The following RALYL variants were observed in gnomAD, a reference collection of about 807,000 sequenced individuals.
The protein encoded by RALYL is RALY RNA binding protein like, also known as RNA-binding Raly-like protein.
In RALYL, 29 loss-of-function variants were observed where a neutral mutation model predicts 35.1. The ratio of observed to expected loss-of-function variants is 0.83; its 90% CI spans 0.61 to 1.13. The LOEUF (loss-of-function observed/expected upper bound fraction) is 1.13. Among genes scored for constraint, RALYL ranks in the 50% most tolerant of loss-of-function variants. The pLI, the probability that RALYL is intolerant of heterozygous loss-of-function variation, is 0.00. For missense variants in RALYL, 359 were observed against 360.4 expected (o/e 1.00, Z 0.03); for synonymous variants, 120 against 127.6 (o/e 0.94, Z 0.40).
At chr8:84,365,964 T>A (rs1271719977) in intron 1 of RALYL, among the ~76,000 whole-genome samples, 1 of 152,220 alleles carries the variant, frequency 6.6e-6, no homozygotes, top group African/African-American at 2.4e-5. Context: ...CTGCCACTCA[T>A]AGATGCTTCA....
intron 2 of RALYL, among the ~76,000 whole-genome samples, chr8:84,767,597 A>C (rs150922089): frequency 2.1e-3 from 316 of 152,232 alleles, no homozygotes; most frequent in Non-Finnish European, 3.5e-3. Context: ...TCTCCCTTCA[A>C]GTGGGGGCGT....
intron 2 of RALYL, among the ~76,000 whole-genome samples, chr8:84,750,065 A>C (rs1809581175): frequency 6.6e-6 from 1 of 152,054 alleles, no homozygotes; most frequent in Non-Finnish European, 1.5e-5. Flanking sequence ...AGGATGCTGC[A>C]CTCTCAGCAC....
intron 1 of RALYL, among the ~76,000 whole-genome samples, chr8:84,387,698 T>C (rs1859539854): frequency 1.3e-5 from 2 of 151,996 alleles, no homozygotes; most frequent in East Asian, 3.9e-4. Flanking sequence ...AAAGGACATA[T>C]TCGCTTTAGC....
chr8:84,492,040 A>G (rs2055371761), intron 1 of RALYL, among the ~76,000 whole-genome samples: 1 of 152,020 alleles, frequency 6.6e-6, no homozygotes, highest in African/African-American at 2.4e-5. Flanking sequence ...CAGTTCTATT[A>G]TGGAAGCAGA....
chr8:84,767,055 A>G (rs1044953877), intron 2 of RALYL, among the ~76,000 whole-genome samples: 1 of 152,166 alleles, frequency 6.6e-6, no homozygotes, highest in Non-Finnish European at 1.5e-5. Flanking sequence ...TGCAGAATTG[A>G]AAGTATCTTC....
chr8:84,700,094 C>T (rs1460721242), intron 2 of RALYL, among the ~76,000 whole-genome samples: 2 of 151,786 alleles, frequency 1.3e-5, no homozygotes, highest in African/African-American at 2.4e-5. Context: ...GAAAATCAGG[C>T]AACCAAGAAG....
At chr8:84,290,308 G>A (rs535454317) in intron 1 of RALYL, among the ~76,000 whole-genome samples, 4 of 152,126 alleles carry the variant, frequency 2.6e-5, no homozygotes, top group African/African-American at 9.6e-5. Context: ...GTTTTCATGC[G>A]CGTCTGTGTG....
chr8:84,775,653 G>T (rs1816665861), intron 3 of RALYL, among the ~76,000 whole-genome samples: 1 of 152,106 alleles, frequency 6.6e-6, no homozygotes, highest in African/African-American at 2.4e-5. Context: ...GCCCCAATTT[G>T]TCAGTGTCTA....
intron 1 of RALYL, among the ~76,000 whole-genome samples, chr8:84,234,224 C>G (rs1394067282): frequency 6.6e-6 from 1 of 152,172 alleles, no homozygotes; most frequent in African/African-American, 2.4e-5. Flanking sequence ...AATTTCTCCT[C>G]TTTGCTCATC....
intron 3 of RALYL, among the ~76,000 whole-genome samples, chr8:84,797,513 G>A (rs1045675344): frequency 2.0e-5 from 3 of 152,134 alleles, no homozygotes; most frequent in Non-Finnish European, 4.4e-5. Flanking sequence ...CGTTGTTTGC[G>A]GAAGTGTGGT....
At chr8:84,577,758 C>A (rs1361781019) in intron 2 of RALYL, among the ~76,000 whole-genome samples, 4 of 151,948 alleles carry the variant, frequency 2.6e-5, no homozygotes, top group Non-Finnish European at 2.9e-5. Context: ...AGAGTAAATA[C>A]ATTTAAAGAT....
rs557276372 is a variant in RALYL, at chr8:84,420,686, C to T, written c.-23-108613C>T. Among the ~76,000 whole-genome samples, 9 of 124,398 alleles carry T rather than the reference C, an allele frequency of 7.2e-5. No homozygotes were observed. In the South Asian group the frequency reaches 8.7e-4, roughly 12 times the overall value. The allele number at this position is 124,398 out of a possible 152,430, so 81.6% of individuals were successfully genotyped here. On this transcript the variant is annotated intron_variant, in intron 1 of 8. Coordinates refer to ENST00000521268, the MANE Select transcript of RALYL (RefSeq NM_173848.7). ...AGGGTTTTTATGGTTTTAGGTCTAA[C>T]GTTTAAATCTTTAATCCATCTTGAA...
intron 1 of RALYL, among the ~76,000 whole-genome samples, chr8:84,393,057 C>T (rs1469571362): frequency 2.0e-5 from 3 of 152,046 alleles, no homozygotes; most frequent in Non-Finnish European, 1.5e-5. Flanking sequence ...TGCTATGTAA[C>T]AAATTACCGC....
intron 2 of RALYL, among the ~76,000 whole-genome samples, chr8:84,615,903 T>C (rs1381804822): frequency 5.9e-5 from 4 of 68,118 alleles, no homozygotes; most frequent in Admixed American, 5.3e-4. Context: ...ATTTCATCCA[T>C]GTCCCTACAA....
intron 1 of RALYL, among the ~76,000 whole-genome samples, chr8:84,430,883 C>T (rs959880034): frequency 4.6e-5 from 7 of 152,080 alleles, no homozygotes; most frequent in African/African-American, 1.7e-4. Context: ...TTAGATGGAA[C>T]AGTGCCTTCC....
At chr8:84,704,480 C>CA (rs56942044) in intron 2 of RALYL, among the ~76,000 whole-genome samples, 9,784 of 139,538 alleles carry the variant, frequency 0.07, 409 homozygotes, top group African/African-American at 0.11. Context: ...CACACACACA[C>CA]ACAACAACTC....
In RALYL at chr8:84,814,939, C is replaced by T. The variant is rs181528939; in HGVS notation, c.365+10137C>T. 2.8e-3 allele frequency among the ~76,000 whole-genome samples: 425 copies of T among 152,304 alleles called. 1 individual carries two copies. The highest frequency in any genetic ancestry group is 4.5e-3 in the Non-Finnish European group (307 of 68,022). The stretch of plus-strand genomic sequence containing the variant: ...GATCAACAGATGCAGTGTTTTCCAA[C>T]GCTACCTAGGTGATTCTGATACCAG... On this transcript the variant is annotated intron_variant, in intron 4 of 8. Transcript: ENST00000521268.
chr8:84,529,584 C>A lies in RALYL; in HGVS notation c.256+7C>A, dbSNP rs1224972050. The A allele has an allele frequency of 6.2e-7, 1 of 1,603,536 alleles. No homozygotes were observed. Among genetic ancestry groups the A allele is most frequent in the Admixed American group, 1.7e-5 (1 of 59,758 alleles). On this transcript the variant is annotated splice_region_variant and intron_variant, in intron 2 of 8. Transcript: ENST00000521268. ...ATCGCCGGCCAACCACTTGGTAAGTCATGCTCAGACATGGATCTCACGTTA... is the reference window on the plus strand; with the variant it reads ...ATCGCCGGCCAACCACTTGGTAAGTAATGCTCAGACATGGATCTCACGTTA...
chr8:84,619,804 C>G (rs1201983901), intron 2 of RALYL, among the ~76,000 whole-genome samples: 4 of 150,252 alleles, frequency 2.7e-5, no homozygotes, highest in African/African-American at 1.0e-4. Context: ...GACAAAATCT[C>G]TCAGCATTTG....
Sources: gnomAD v4.1 joint callset for allele counts (sites outside exome capture counted in the v4.1 genomes callset) on GRCh38, gnomAD v4.1.1 for gene constraint, MANE v1.5 for transcripts, NCBI Gene and HGNC (gene_info 2026-07-23, HGNC 2026-07-21) for gene names.